The following COL22A1 variants were observed in gnomAD, a reference collection of about 807,000 sequenced individuals.
The protein encoded by COL22A1 is collagen type XXII alpha 1 chain, also known as collagen alpha-1(XXII) chain.
Under a neutral mutation model 248.9 loss-of-function variants are expected in COL22A1, and 221 were observed. That is an observed-to-expected ratio of 0.89 (90% confidence interval 0.80 to 0.99). The LOEUF is 0.99. COL22A1 is among the 50% of genes least tolerant of loss of function. The pLI is 0.00. For synonymous variants in COL22A1, 891 were observed against 793.4 expected (o/e 1.12, Z -2.07); for missense variants, 2,240 against 2,179.0 (o/e 1.03, Z -0.56).
At chr8:138,751,296 C>A (rs1045366540) in intron 22 of COL22A1, among the ~76,000 whole-genome samples, 162 bp downstream of exon 22, 3 of 152,156 alleles carry the variant, frequency 2.0e-5, no homozygotes, top group African/African-American at 4.8e-5. Context: ...CATAGTAGAA[C>A]CTCAACCATG....
intron 39 of COL22A1, 120 bp downstream of exon 39, chr8:138,684,305 G>T (rs1005000043): frequency 5.2e-6 from 4 of 764,336 alleles, no homozygotes; most frequent in African/African-American, 1.7e-5. Flanking sequence ...AATGGAACAC[G>T]ATGAGCTGAG....
intron 14 of COL22A1, among the ~76,000 whole-genome samples, chr8:138,778,737 C>T (rs766311390): frequency 1.3e-5 from 2 of 152,328 alleles, no homozygotes; most frequent in African/African-American, 2.4e-5. Flanking sequence ...CCGTGCCCCT[C>T]GGCCTCCCCA....
At chr8:138,631,806 C>T (rs1160193613) in intron 49 of COL22A1, among the ~76,000 whole-genome samples, 1 of 152,130 alleles carries the variant, frequency 6.6e-6, no homozygotes, top group Non-Finnish European at 1.5e-5. Flanking sequence ...CTCATCCCTG[C>T]CCTGGGGAGG....
chr8:138,761,928 T>C (rs1218400197), intron 17 of COL22A1, among the ~76,000 whole-genome samples: 1 of 152,196 alleles, frequency 6.6e-6, no homozygotes, highest in Non-Finnish European at 1.5e-5. Context: ...AACACTTTTC[T>C]TTATTTTCCA....
At chr8:138,737,600 A>C in intron 22 of COL22A1, 23 bp from the exon 23 acceptor site, 2 of 1,567,128 alleles carry the variant, frequency 1.3e-6, no homozygotes, top group Non-Finnish European at 1.8e-6. Context: ...GAAGAAGCTA[A>C]AATTAACAAG....
At chr8:138,618,783 A>T (rs1819529972) in intron 53 of COL22A1, among the ~76,000 whole-genome samples, 1 of 152,208 alleles carries the variant, frequency 6.6e-6, no homozygotes, top group African/African-American at 2.4e-5. Flanking sequence ...TTGTGAAAAC[A>T]ATTTTGAAAT....
chr8:138,604,890 T>C (rs1818305853), intron 58 of COL22A1, 121 bp from the exon 59 acceptor site: 3 of 913,510 alleles, frequency 3.3e-6, no homozygotes, highest in Middle Eastern at 4.2e-4. Context: ...CAATCGATGG[T>C]CTACCTGGCC....
At chr8:138,855,180 G>A (rs983894171) in intron 3 of COL22A1, among the ~76,000 whole-genome samples, 2 of 152,240 alleles carry the variant, frequency 1.3e-5, no homozygotes, top group Admixed American at 1.3e-4. Flanking sequence ...GCACACAGAA[G>A]CTGATGCCCA....
At chr8:138,618,851 A>G (rs1564103790) in intron 53 of COL22A1, among the ~76,000 whole-genome samples, 1 of 152,178 alleles carries the variant, frequency 6.6e-6, no homozygotes, top group African/African-American at 2.4e-5. Flanking sequence ...CATAGAGTTC[A>G]TTTTTGTAGG....
chr8:138,730,904 G>GACAC (rs967924880), intron 23 of COL22A1, among the ~76,000 whole-genome samples: 1 of 151,922 alleles, frequency 6.6e-6, no homozygotes, highest in African/African-American at 2.4e-5. Context: ...GGGAGGAAGA[G>GACAC]ACACACACAC....
intron 3 of COL22A1, among the ~76,000 whole-genome samples, chr8:138,855,381 A>G (rs1392304942): frequency 1.3e-5 from 2 of 152,332 alleles, no homozygotes; most frequent in Middle Eastern, 3.4e-3. Flanking sequence ...TGACAGAGCC[A>G]GCATTTGATC....
rs1337569137 is a variant in COL22A1 at position 138,658,024 on chromosome 8, C to T, written c.3286-2080G>A. ...CGTAAGTTTCTCCTGAGAGCACTCC[C>T]TCAATCAGTCACTAGCACAAGAATC... On this transcript the variant is annotated intron_variant, in intron 44 of 64. Coordinates refer to ENST00000303045, the MANE Select transcript of COL22A1 (RefSeq NM_152888.3). Among the ~76,000 whole-genome samples, 4 of 152,178 alleles carry T rather than the reference C, an allele frequency of 2.6e-5. No individual in the cohort carries two copies. The South Asian group carries it at 8.3e-4, about 32-fold the overall frequency.
chr8:138,755,590 C>T (rs1371794533), intron 19 of COL22A1, 79 bp from the exon 20 acceptor site: 10 of 1,479,546 alleles, frequency 6.8e-6, no homozygotes, highest in Non-Finnish European at 8.5e-6. Flanking sequence ...GCACTAAGGC[C>T]ATTCATTCAC....
At chr8:138,712,171 CT>C (rs1331630193) in intron 30 of COL22A1, among the ~76,000 whole-genome samples, 2 of 152,202 alleles carry the variant, frequency 1.3e-5, no homozygotes, top group African/African-American at 4.8e-5. Flanking sequence ...CCTTGTTGGA[CT>C]GGCAAACCAA....
At chr8:138,666,481 GAGA>G (rs1824515463) in intron 41 of COL22A1, among the ~76,000 whole-genome samples, 1 of 152,198 alleles carries the variant, frequency 6.6e-6, no homozygotes, top group Admixed American at 6.5e-5. Flanking sequence ...CTTGGCTAAG[GAGA>G]AGCAGAAAAA....
intron 7 of COL22A1, among the ~76,000 whole-genome samples, chr8:138,814,541 G>T (rs1355395493): frequency 6.6e-6 from 1 of 152,158 alleles, no homozygotes; most frequent in Non-Finnish European, 1.5e-5. Flanking sequence ...AATTAGGGTG[G>T]CTGCAAACAC....
intron 34 of COL22A1, 25 bp downstream of exon 34, chr8:138,694,483 G>A (rs377506897): frequency 6.2e-7 from 1 of 1,611,626 alleles, no homozygotes; most frequent in Non-Finnish European, 8.5e-7. Context: ...CTCTGAGCCA[G>A]CAGGGGAAGG....
intron 3 of COL22A1, among the ~76,000 whole-genome samples, chr8:138,868,732 TCC>T (rs1823089108): frequency 7.9e-6 from 1 of 125,978 alleles, no homozygotes; most frequent in Non-Finnish European, 1.9e-5. Context: ...ATCATTGTCC[TCC>T]TTTTTTTTTT....
At chr8:138,725,752 GAC>G (rs66497386) in intron 23 of COL22A1, among the ~76,000 whole-genome samples, 6,139 of 148,542 alleles carry the variant, frequency 0.041, 158 homozygotes, top group East Asian at 0.14. Flanking sequence ...CACATGTGCA[GAC>G]ACACACACAC....
Sources: gnomAD v4.1 joint callset for allele counts (sites outside exome capture counted in the v4.1 genomes callset) on GRCh38, gnomAD v4.1.1 for gene constraint, MANE v1.5 for transcripts, NCBI Gene and HGNC (gene_info 2026-07-23, HGNC 2026-07-21) for gene names.